Variants in DOCK5 observed in about 807,000 individuals in gnomAD.
The protein encoded by DOCK5 is dedicator of cytokinesis protein 5.
A neutral mutation model predicts 251.8 loss-of-function variants in DOCK5; 142 were observed. The observed-to-expected ratio is 0.56, with a 90% confidence interval of 0.49 to 0.65. The LOEUF (loss-of-function observed/expected upper bound fraction) is 0.65. Among genes scored for constraint, DOCK5 ranks in the 30% least tolerant of loss-of-function variants. DOCK5 has a pLI of 0.00. For synonymous variants in DOCK5, 842 were observed against 835.5 expected (o/e 1.01, Z -0.13); for missense variants, 2,111 against 2,312.3 (o/e 0.91, Z 1.79).
intron 30 of DOCK5, among the ~76,000 whole-genome samples, chr8:25,365,170 A>G (rs1262743074): frequency 3.9e-5 from 6 of 152,240 alleles, no homozygotes; most frequent in African/African-American, 9.6e-5. Context: ...ATTTTCATTC[A>G]TTCATTCATT....
chr8:25,243,740 T>C lies in DOCK5; in HGVS notation c.110T>C (p.Ile37Thr). 1.2e-6 allele frequency: 2 copies of C among 1,613,678 alleles called. No individual in the cohort carries two copies. The highest frequency in any genetic ancestry group is 1.7e-6 in the Non-Finnish European group (2 of 1,179,718). The change falls in exon 2 of 52, where the codon ATC (isoleucine) becomes ACC (threonine). Residue 37 changes from isoleucine to threonine, a missense_variant. Physicochemically the swap from Ile to Thr is moderately conservative, Grantham distance 89. Around this residue, in one of 3 missense-constraint regions of DOCK5, gnomAD observed 335 missense variants for 324.9 expected, o/e 1.03. Coordinates refer to ENST00000276440, the MANE Select transcript of DOCK5 (RefSeq NM_024940.8). ...LSLQIGDTVHILEMYEGWYRG... is the reference protein window; with the variant it reads ...LSLQIGDTVHTLEMYEGWYRG... ...TTGCAGATCGGTGACACAGTTCACA[T>C]CCTGGAGATGTACGAGGGTAAGTCT...
chr8:25,382,620 C>T, intron 39 of DOCK5, 54 bp from the exon 40 acceptor site: 5 of 1,372,004 alleles, frequency 3.6e-6, no homozygotes, highest in Non-Finnish European at 4.0e-6. Flanking sequence ...CTTTTTTTTT[C>T]CCCCAACTGT....
intron 13 of DOCK5, among the ~76,000 whole-genome samples, chr8:25,312,504 G>A (rs936798651): frequency 2.6e-5 from 4 of 151,980 alleles, no homozygotes; most frequent in African/African-American, 9.7e-5. Flanking sequence ...GGCTCACATC[G>A]GTAATCCCAG....
intron 1 of DOCK5, among the ~76,000 whole-genome samples, chr8:25,227,276 A>C (rs1586244595): frequency 1.3e-5 from 2 of 152,258 alleles, no homozygotes; most frequent in East Asian, 1.9e-4. Context: ...GCTTGCTGTG[A>C]TCTTTCAAAC....
intron 1 of DOCK5, among the ~76,000 whole-genome samples, chr8:25,240,517 T>C (rs999509211): frequency 2.0e-5 from 3 of 152,172 alleles, no homozygotes; most frequent in African/African-American, 7.2e-5. Context: ...CTTTGATAGA[T>C]TTGCTAAATT....
At chr8:25,331,985 G>A (rs1362061602) in intron 18 of DOCK5, among the ~76,000 whole-genome samples, 1 of 152,040 alleles carries the variant, frequency 6.6e-6, no homozygotes, top group Non-Finnish European at 1.5e-5. Flanking sequence ...TGACCATGAT[G>A]TCATTATTTG....
rs1040539177 is a variant in DOCK5 at position 25,371,400 on chromosome 8, G to A, written c.3525-1159G>A. On this transcript the variant is annotated intron_variant, in intron 34 of 51. Transcript: ENST00000276440. ...GGAGAATCACTTGAACCTGGGAGGC[G>A]GAGATTGCAGTGAACTGAGATTGCA... 6.6e-5 allele frequency among the ~76,000 whole-genome samples: 10 copies of A among 152,122 alleles called. No individual in the cohort carries two copies. In the East Asian group the frequency reaches 7.7e-4, roughly 12 times the overall value.
chr8:25,354,103 A>C (rs376041436), intron 27 of DOCK5, among the ~76,000 whole-genome samples: 1 of 148,880 alleles, frequency 6.7e-6, no homozygotes, highest in African/African-American at 2.5e-5. Context: ...TATATGTTTT[A>C]TATGTTTAAA....
intron 2 of DOCK5, among the ~76,000 whole-genome samples, chr8:25,253,658 G>GA (rs1248339344): frequency 2.6e-5 from 4 of 151,700 alleles, no homozygotes; most frequent in African/African-American, 7.3e-5. Context: ...CTTATATCTG[G>GA]AAAAAAAAGT....
intron 1 of DOCK5, among the ~76,000 whole-genome samples, chr8:25,227,105 C>T (rs1424650947): frequency 6.6e-6 from 1 of 152,158 alleles, no homozygotes; most frequent in Non-Finnish European, 1.5e-5. Flanking sequence ...TGTGGTTGTT[C>T]TGACTTCTGC....
chr8:25,410,841 G>A (rs1285837095), intron 51 of DOCK5, among the ~76,000 whole-genome samples: 1 of 151,778 alleles, frequency 6.6e-6, no homozygotes, highest in Non-Finnish European at 1.5e-5. Context: ...CCTCAGATGG[G>A]TTTCCTTCAG....
intron 27 of DOCK5, among the ~76,000 whole-genome samples, chr8:25,356,544 G>C (rs1283402237): frequency 6.6e-6 from 1 of 152,006 alleles, no homozygotes. Flanking sequence ...ACATGCGCCT[G>C]TAATCCCAGC....
intron 1 of DOCK5, among the ~76,000 whole-genome samples, chr8:25,223,095 A>C (rs750845262): frequency 3.9e-5 from 6 of 152,194 alleles, no homozygotes; most frequent in Admixed American, 6.5e-5. Context: ...TCTCAGTCCC[A>C]TAAATAAAGT....
intron 36 of DOCK5, among the ~76,000 whole-genome samples, 173 bp downstream of exon 36, chr8:25,373,831 A>T (rs1356652821): frequency 1.3e-5 from 2 of 152,208 alleles, no homozygotes; most frequent in Non-Finnish European, 2.9e-5. Context: ...AGATACATGA[A>T]TAAGTACGAC....
chr8:25,309,769 C>T (rs1226791650), intron 12 of DOCK5, among the ~76,000 whole-genome samples: 3 of 151,678 alleles, frequency 2.0e-5, no homozygotes, highest in African/African-American at 4.8e-5. Context: ...TTCAGTGAGC[C>T]GAGGTGATGC....
At chr8:25,410,836 G>C (rs1801609297) in intron 51 of DOCK5, among the ~76,000 whole-genome samples, 2 of 151,732 alleles carry the variant, frequency 1.3e-5, no homozygotes, top group Admixed American at 6.6e-5. Flanking sequence ...AGTGACCTCA[G>C]ATGGGTTTCC....
intron 5 of DOCK5, among the ~76,000 whole-genome samples, chr8:25,282,833 C>T (rs1053035738): frequency 5.4e-4 from 56 of 103,704 alleles, no homozygotes; most frequent in African/African-American, 2.2e-3. Context: ...CTGGGTGACA[C>T]AGTAAGACCC....
At chr8:25,338,744 C>A (rs1435157110) in intron 22 of DOCK5, among the ~76,000 whole-genome samples, 2 of 152,142 alleles carry the variant, frequency 1.3e-5, no homozygotes, top group African/African-American at 2.4e-5. Flanking sequence ...ATTCTCTTAC[C>A]CAAAAGTTTG....
At chr8:25,251,848 G>A (rs185042259) in intron 2 of DOCK5, among the ~76,000 whole-genome samples, 135 of 152,264 alleles carry the variant, frequency 8.9e-4, no homozygotes, top group Admixed American at 3.0e-3. Flanking sequence ...AATTAGCCGG[G>A]CATGGTGGTG....
Sources: gnomAD v4.1 joint callset for allele counts (sites outside exome capture counted in the v4.1 genomes callset) on GRCh38, gnomAD v4.1.1 for gene constraint, gnomAD v4.1.1 regional missense constraint, MANE v1.5 for transcripts, NCBI Gene and HGNC (gene_info 2026-07-23, HGNC 2026-07-21) for gene names.